The following GPHN variants were observed in gnomAD, a reference collection of about 807,000 sequenced individuals.
The protein encoded by GPHN is gephyrin.
In GPHN, 17 loss-of-function variants were observed where a neutral mutation model predicts 95.5. The observed-to-expected ratio is 0.18, with a 90% CI of 0.12 to 0.27. The LOEUF is 0.27. Among genes scored for constraint, GPHN ranks in the 10% least tolerant of loss-of-function variants. The pLI is 1.00. For missense variants in GPHN, 660 were observed against 978.1 expected, an observed-to-expected ratio of 0.67 and a Z score of 4.34; for synonymous variants, 320 against 322.5, an observed-to-expected ratio of 0.99 and a Z score of 0.08.
rs537372960 is a variant in GPHN at position 66,532,448 on chromosome 14, A to G, written c.64+23857A>G. 1.8e-4 allele frequency among the ~76,000 whole-genome samples: 28 copies of G among 152,278 alleles called. No homozygotes were observed. The South Asian group carries it at 1.9e-3, about 10-fold the overall frequency. On this transcript the variant is annotated intron_variant, in intron 1 of 22. Transcript: ENST00000478722. ...TGCCAGGCCAAGGGATAGGCCTGAA[A>G]CTTTCACAGCATCACTTCTGCCATT... is the stretch of plus-strand genomic sequence containing the variant.
intron 13 of GPHN, among the ~76,000 whole-genome samples, chr14:67,105,165 A>G (rs753542944): frequency 6.6e-6 from 1 of 151,756 alleles, no homozygotes; most frequent in Non-Finnish European, 1.5e-5. Context: ...TCTTGTATTG[A>G]TTTATAGTTT....
chr14:67,352,110 C>A, the GPHN span, among the ~76,000 whole-genome samples: 1 of 151,720 alleles, frequency 6.6e-6, no homozygotes, highest in African/African-American at 2.4e-5. Context: ...TAAAGCAAGA[C>A]CCCATCTCCA....
chr14:67,080,943 C>A (rs1168227536), intron 11 of GPHN, among the ~76,000 whole-genome samples: 1 of 152,160 alleles, frequency 6.6e-6, no homozygotes, highest in Non-Finnish European at 1.5e-5. Flanking sequence ...TTATTTCATT[C>A]CTTTTTTGGC....
At chr14:67,193,954 C>CAAAAAAAAAAAAAA in the GPHN span, among the ~76,000 whole-genome samples, 40 of 85,736 alleles carry the variant, frequency 4.7e-4, no homozygotes, top group African/African-American at 9.6e-4. Context: ...CAAAAAAAAA[C>CAAAAAAAAAAAAAA]AAAAAAAAAA....
chr14:67,573,741 T>C, the GPHN span: 6,716 of 1,075,192 alleles, frequency 6.2e-3, 373 homozygotes, highest in East Asian at 0.12. The surrounding 1 kb of genome is among the most constrained non-coding windows in gnomAD (Gnocchi z 4.8). Context: ...TGAGGGTAAA[T>C]GAGGTGCTCC....
intron 3 of GPHN, among the ~76,000 whole-genome samples, chr14:66,799,327 A>C (rs1022116776): frequency 6.6e-6 from 1 of 151,922 alleles, no homozygotes. Flanking sequence ...TATCTATTAG[A>C]TCTATTTGGT....
At chr14:66,962,568 C>CA (rs1192512495) in intron 8 of GPHN, among the ~76,000 whole-genome samples, 1 of 151,508 alleles carries the variant, frequency 6.6e-6, no homozygotes, top group Non-Finnish European at 1.5e-5. Context: ...CTGCAAGCAC[C>CA]AAAAAAATAG....
chr14:66,682,669 G>A (rs778988949), intron 2 of GPHN, among the ~76,000 whole-genome samples: 32 of 152,090 alleles, frequency 2.1e-4, no homozygotes, highest in Non-Finnish European at 2.8e-4. Context: ...AGAATCTCTC[G>A]AACCCGGGTG....
chr14:67,577,688 G>A, the GPHN span, among the ~76,000 whole-genome samples: 1 of 152,190 alleles, frequency 6.6e-6, no homozygotes, highest in Non-Finnish European at 1.5e-5. Context: ...AAAAGGCGAG[G>A]TTTATGTTGC....
At chr14:67,392,878 T>G in the GPHN span, 1 of 1,573,758 alleles carries the variant, frequency 6.4e-7, no homozygotes. Context: ...AGTCAGGCGA[T>G]GGGTGATGGA....
the GPHN span, chr14:67,336,659 C>T: frequency 2.2e-6 from 1 of 452,682 alleles, no homozygotes; most frequent in East Asian, 7.0e-5. Flanking sequence ...GACTTGCATT[C>T]CAGCTGTGCT....
rs368771083 is a variant in GPHN at position 66,922,746 on chromosome 14, G to A, written c.537G>A (p.Val179=). The A allele has an allele frequency of 6.2e-7, 1 of 1,613,654 alleles. No homozygotes were observed. The highest frequency in any genetic ancestry group is 1.1e-5 in the South Asian group (1 of 91,060). The part of the protein sequence containing the change: ...LRDAIVKVKE[V]HDELEDLPSP... ...ATGCCATTGTAAAAGTAAAGGAGGT[G>A]CATGATGAACTTGAAGATTTGCCTT... The change falls in exon 7 of 23, where the codon GTG becomes GTA. Residue 179 remains valine (V), a synonymous_variant. Transcript: ENST00000478722.
chr14:66,587,718 A>G (rs1413146119), intron 1 of GPHN, among the ~76,000 whole-genome samples: 1 of 152,240 alleles, frequency 6.6e-6, no homozygotes, highest in Non-Finnish European at 1.5e-5. Context: ...ATTACTATAA[A>G]GAACTGTAGG....
chr14:67,446,502 A>G, the GPHN span, among the ~76,000 whole-genome samples: 1 of 152,232 alleles, frequency 6.6e-6, no homozygotes, highest in East Asian at 1.9e-4. Flanking sequence ...CCTCCGGGTC[A>G]GCAGAGGCTG....
the GPHN span, chr14:67,573,496 G>T: frequency 1.3e-6 from 1 of 766,540 alleles, no homozygotes; most frequent in Non-Finnish European, 2.2e-6. The surrounding 1 kb of genome is among the most constrained non-coding windows in gnomAD (Gnocchi z 4.8). Flanking sequence ...AGAGGGCAAA[G>T]GTCTGGCAGG....
In GPHN at chr14:66,948,008, G is replaced by T. The variant is rs113714714; in HGVS notation, c.829-17183G>T. The stretch of plus-strand genomic sequence containing the variant: ...AATAGACAAGTAGTCACCATATTCT[G>T]TTCCTATATTAAGTAAATATATTAA... On this transcript the variant is annotated intron_variant, in intron 8 of 22. Coordinates refer to ENST00000478722, the MANE Select transcript of GPHN (RefSeq NM_020806.5). 3.1e-3 allele frequency among the ~76,000 whole-genome samples: 471 copies of T among 152,216 alleles called. 11 individuals carry two copies. Among genetic ancestry groups the T allele is most frequent in the African/African-American group, 0.011 (446 of 41,544 alleles).
the GPHN span, among the ~76,000 whole-genome samples, chr14:67,525,844 A>C: frequency 6.6e-6 from 1 of 152,240 alleles, no homozygotes; most frequent in Admixed American, 6.5e-5. Flanking sequence ...GATTCACACA[A>C]GCATGATGCC....
At chr14:67,570,111 A>C in the GPHN span, 1 of 870,686 alleles carries the variant, frequency 1.1e-6, no homozygotes, top group African/African-American at 1.7e-5. Context: ...AGGCTTCTGC[A>C]CATGGTGACC....
the GPHN span, chr14:67,662,390 A>G: frequency 4.3e-6 from 5 of 1,150,440 alleles, no homozygotes; most frequent in South Asian, 5.4e-5. Context: ...ATGGACAGGA[A>G]CAGTTAATTT....
Sources: gnomAD v4.1 joint callset for allele counts (sites outside exome capture counted in the v4.1 genomes callset) on GRCh38, gnomAD v4.1.1 for gene constraint, Gnocchi (gnomAD v3.1) non-coding constraint, MANE v1.5 for transcripts, NCBI Gene and HGNC (gene_info 2026-07-23, HGNC 2026-07-21) for gene names.